MS4A4E: variants seen among roughly 807,000 people sequenced by gnomAD.
MS4A4E encodes putative membrane-spanning 4-domains subfamily A member 4E.
In MS4A4E, 23 loss-of-function variants were observed where a neutral mutation model predicts 13.3. The observed-to-expected ratio is 1.73, with a 90% CI of 1.25 to 2.45. MS4A4E has a LOEUF of 2.45. MS4A4E is among the 30% of genes most tolerant of loss of function. The pLI is 0.00. For missense variants in MS4A4E, 144 were observed against 131.2 expected, an observed-to-expected ratio of 1.10 and a Z score of -0.48; for synonymous variants, 36 against 45.6, an observed-to-expected ratio of 0.79 and a Z score of 0.85.
At position 60,204,913 on chromosome 11, in the gene MS4A4E, T is replaced by C. The variant is rs1241347979; in HGVS notation, c.636A>G (p.Leu212=). Among the ~76,000 whole-genome samples, 5 of 152,172 alleles carry C rather than the reference T, an allele frequency of 3.3e-5. No homozygotes were observed. The highest frequency in any genetic ancestry group is 7.2e-5 in the African/African-American group (3 of 41,432). The change falls in exon 8 of 9, where the codon CTA becomes CTG. Residue 212 remains leucine (L), a synonymous_variant. Coordinates refer to ENST00000651255, the MANE Select transcript of MS4A4E (RefSeq NM_001393391.1). ...QYLEKVYYDI[L]SSWLRIESIY... ...ACCTTTCAATCCTCAACCAAGAAGA[T>C]AGAATGTCATAATAGACTTTTTCCA...
chr11:60,238,877 T>C (rs2084515118), intron 1 of MS4A4E, among the ~76,000 whole-genome samples: 1 of 152,188 alleles, frequency 6.6e-6, no homozygotes, highest in African/African-American at 2.4e-5. Context: ...ATAAGGAGGA[T>C]TCCTCCCTAA....
chr11:60,212,603 C>T (rs1199312381), intron 5 of MS4A4E, among the ~76,000 whole-genome samples: 1 of 152,190 alleles, frequency 6.6e-6, no homozygotes, highest in Non-Finnish European at 1.5e-5. Flanking sequence ...GCCACCGTGT[C>T]CGGCTGGGAC....
At chr11:60,236,463 C>A (rs2084483859) in intron 1 of MS4A4E, among the ~76,000 whole-genome samples, 1 of 151,600 alleles carries the variant, frequency 6.6e-6, no homozygotes, top group Non-Finnish European at 1.5e-5. Flanking sequence ...TTTAAATTTT[C>A]TTTAATTTCT....
chr11:60,236,438 G>A (rs1370065299), intron 1 of MS4A4E, among the ~76,000 whole-genome samples: 5 of 151,524 alleles, frequency 3.3e-5, no homozygotes, highest in African/African-American at 1.2e-4. Flanking sequence ...CTGAATATGA[G>A]TTTTTTTTCA....
intron 7 of MS4A4E, among the ~76,000 whole-genome samples, 170 bp from the exon 8 acceptor site, chr11:60,205,128 T>A (rs2084023819): frequency 6.6e-6 from 1 of 152,188 alleles, no homozygotes; most frequent in Non-Finnish European, 1.5e-5. Context: ...ATACTTTTTA[T>A]CTTATCATAA....
chr11:60,202,381 T>C (rs1412559921), intron 8 of MS4A4E, among the ~76,000 whole-genome samples: 1 of 152,222 alleles, frequency 6.6e-6, no homozygotes, highest in Non-Finnish European at 1.5e-5. Flanking sequence ...TAAATAACTT[T>C]CTGATGTTTT....
At chr11:60,204,032 T>C (rs926551174) in intron 8 of MS4A4E, among the ~76,000 whole-genome samples, 2 of 152,238 alleles carry the variant, frequency 1.3e-5, no homozygotes, top group Admixed American at 6.5e-5. Context: ...CTTATGTAAG[T>C]GTTAACCTTA....
At chr11:60,227,194 C>G (rs183652766) in intron 3 of MS4A4E, among the ~76,000 whole-genome samples, 1 of 152,096 alleles carries the variant, frequency 6.6e-6, no homozygotes, top group Non-Finnish European at 1.5e-5. Context: ...TAGGAAGACT[C>G]AACATTGTCA....
chr11:60,208,096 T>C lies in MS4A4E; in HGVS notation c.483+497A>G, dbSNP rs112107560. 6.5e-3 allele frequency among the ~76,000 whole-genome samples: 988 copies of C among 152,268 alleles called. 10 individuals are homozygous for C. Among genetic ancestry groups the C allele is most frequent in the African/African-American group, 0.023 (939 of 41,556 alleles). On this transcript the variant is annotated intron_variant, in intron 6 of 8. Transcript: ENST00000651255. ...TCTTGTGCTAGGCAGAGTTCTAAGG[T>C]GACACTCACTGACCCCTTGTGATTC... is the stretch of plus-strand genomic sequence containing the variant.
chr11:60,211,879 T>C (rs188837704), intron 5 of MS4A4E, among the ~76,000 whole-genome samples: 4 of 152,212 alleles, frequency 2.6e-5, no homozygotes, highest in Admixed American at 2.6e-4. Flanking sequence ...TGCCACCACG[T>C]GCATTGTGAA....
chr11:60,225,175 CTTAT>C, intron 3 of MS4A4E: 1 of 1,301,344 alleles, frequency 7.7e-7, no homozygotes, highest in Non-Finnish European at 1.0e-6. Flanking sequence ...CTAAGCTATC[CTTAT>C]TCTTTTTCAT....
At chr11:60,233,375 T>C (rs1395993240) in intron 1 of MS4A4E, among the ~76,000 whole-genome samples, 1 of 152,180 alleles carries the variant, frequency 6.6e-6, no homozygotes, top group African/African-American at 2.4e-5. Context: ...GGAGCCTTGA[T>C]GATGTTGTGC....
chr11:60,206,593 T>A (rs1408715298), intron 6 of MS4A4E: 1 of 162,058 alleles, frequency 6.2e-6, no homozygotes, highest in Non-Finnish European at 1.4e-5. Context: ...GGAGTTGGAT[T>A]CTGGTACTTT....
At chr11:60,240,927 C>T (rs1031443067) in intron 1 of MS4A4E, among the ~76,000 whole-genome samples, 2 of 152,210 alleles carry the variant, frequency 1.3e-5, no homozygotes, top group Non-Finnish European at 2.9e-5. Flanking sequence ...TTTCCTTTTA[C>T]ACCACAGAAA....
At chr11:60,227,041 C>G (rs2084352460) in intron 3 of MS4A4E, among the ~76,000 whole-genome samples, 8 of 151,564 alleles carry the variant, frequency 5.3e-5, no homozygotes, top group Admixed American at 5.3e-4. Flanking sequence ...AATTAGCAAC[C>G]CTAAAAATTA....
intron 3 of MS4A4E, chr11:60,225,110 C>A: frequency 6.7e-7 from 1 of 1,501,436 alleles, no homozygotes; most frequent in Non-Finnish European, 8.9e-7. Flanking sequence ...ATGATGAAAG[C>A]AAAAACTGAT....
At chr11:60,207,261 C>G (rs573893136) in intron 6 of MS4A4E, among the ~76,000 whole-genome samples, 1 of 152,224 alleles carries the variant, frequency 6.6e-6, no homozygotes, top group South Asian at 2.1e-4. Context: ...GAGATTTAGC[C>G]AAGATATGCC....
At chr11:60,217,346 G>A (rs2084209525) in intron 3 of MS4A4E, among the ~76,000 whole-genome samples, 1 of 152,110 alleles carries the variant, frequency 6.6e-6, no homozygotes, top group Admixed American at 6.6e-5. Flanking sequence ...CCTGCAACTT[G>A]GAATGGGGAT....
intron 3 of MS4A4E, among the ~76,000 whole-genome samples, chr11:60,218,632 C>T (rs2084227515): frequency 6.6e-6 from 1 of 152,000 alleles, no homozygotes; most frequent in Non-Finnish European, 1.5e-5. Context: ...TGGCCTTCTC[C>T]TCAGGTGTTG....
Sources: gnomAD v4.1 joint callset for allele counts (sites outside exome capture counted in the v4.1 genomes callset) on GRCh38, gnomAD v4.1.1 for gene constraint, MANE v1.5 for transcripts, NCBI Gene and HGNC (gene_info 2026-07-23, HGNC 2026-07-21) for gene names.